C10orf71: variants seen among roughly 807,000 people sequenced by gnomAD.
C10orf71 encodes the protein cardiac-enriched FHL2-interacting protein.
For missense variants in C10orf71, 1,869 were observed against 1,804.5 expected (o/e 1.04, Z -0.65); for synonymous variants, 758 against 726.3 (o/e 1.04, Z -0.70).
intron 1 of C10orf71, among the ~76,000 whole-genome samples, chr10:49,300,119 T>G (rs1217686534): frequency 6.6e-6 from 1 of 152,132 alleles, no homozygotes; most frequent in East Asian, 1.9e-4. Context: ...GAAAAATCAT[T>G]GTGTAGGCCT....
At chr10:49,309,490 T>C (rs1157240505) in intron 1 of C10orf71, among the ~76,000 whole-genome samples, 4 of 152,206 alleles carry the variant, frequency 2.6e-5, no homozygotes, top group Non-Finnish European at 5.9e-5. Context: ...CCTCCAGAAC[T>C]GTGAGGAGTA....
At position 49,322,519 on chromosome 10, in the gene C10orf71, C is replaced by G; in HGVS notation, c.-27C>G. The G allele has an allele frequency of 6.4e-7, 1 of 1,570,864 alleles. No homozygotes were observed. The highest frequency in any genetic ancestry group is 2.3e-5 in the East Asian group (1 of 43,906). ...ATCACCAGAGACACCTGCCGGCTGA[C>G]AAGGACAGCTTTCTTGGAGCCAACA... On this transcript the variant is annotated 5_prime_UTR_variant, in exon 3 of 3. Transcript: ENST00000374144.
intron 1 of C10orf71, among the ~76,000 whole-genome samples, chr10:49,308,786 C>T (rs143356472): frequency 1.9e-3 from 285 of 152,328 alleles, no homozygotes; most frequent in African/African-American, 6.5e-3. Flanking sequence ...GTCACGCTTA[C>T]GAGATCTTAC....
At position 49,325,826 on chromosome 10, in the gene C10orf71, A is replaced by G. The variant is rs1430462366; in HGVS notation, c.3281A>G (p.Asn1094Ser). The G allele has an allele frequency of 6.4e-7, 1 of 1,551,358 alleles. No individual in the cohort carries two copies. The highest frequency in any genetic ancestry group is 1.4e-5 in the African/African-American group (1 of 73,142). ...GGPELLPEEP[N>S]QASPWASSSP... Reference sequence around the variant, plus strand: ...CCAGAGCTGCTTCCCGAGGAGCCTAATCAAGCCAGCCCCTGGGCCAGCTCC... The same window carrying G: ...CCAGAGCTGCTTCCCGAGGAGCCTAGTCAAGCCAGCCCCTGGGCCAGCTCC... Residue 1094 changes from asparagine to serine, a missense_variant, in exon 3 of 3, where the codon AAT becomes AGT. By Grantham distance (46) the Asn-to-Ser change is conservative. Coordinates refer to ENST00000374144, the MANE Select transcript of C10orf71 (RefSeq NM_001135196.2).
rs1371967014 is a variant in C10orf71, at chr10:49,326,589, G to A, written c.4044G>A (p.Pro1348=). The A allele has an allele frequency of 1.9e-6, 3 of 1,550,336 alleles. No individual in the cohort carries two copies. The highest frequency in any genetic ancestry group is 4.9e-5 in the East Asian group (2 of 40,880). The change falls in exon 3 of 3, where the codon CCG becomes CCA. Residue 1348 remains proline, a synonymous_variant. Transcript: ENST00000374144. ...FQPVPVTALM[P]LRCSSQLSAP... is the part of the protein sequence containing the mutation. ...CAGTGCCCGTGACGGCCTTGATGCCGCTGCGCTGCTCCTCTCAGCTCTCCG... is the reference window on the plus strand; with the variant it reads ...CAGTGCCCGTGACGGCCTTGATGCCACTGCGCTGCTCCTCTCAGCTCTCCG...
chr10:49,308,183 G>A (rs918080955), intron 1 of C10orf71, among the ~76,000 whole-genome samples: 35 of 152,216 alleles, frequency 2.3e-4, no homozygotes, highest in African/African-American at 8.2e-4. Context: ...GCCCAGGCAA[G>A]CTGGTTTCTT....
rs745559272 is a variant in C10orf71, at chr10:49,322,586, A to C, written c.41A>C (p.Asp14Ala). The change falls in exon 3 of 3, where the codon GAC becomes GCC. Residue 14 changes from aspartate (D) to alanine (A), a missense_variant. Physicochemically the swap from Asp to Ala is moderately radical, Grantham distance 126 (BLOSUM62 -2). Transcript: ENST00000374144. Reference sequence around the variant, plus strand: ...AAGAAGTGCACAGACGCGTTCAGCGACTCCTCCAGCATCGGCAGCGTGTTG... The same window carrying C: ...AAGAAGTGCACAGACGCGTTCAGCGCCTCCTCCAGCATCGGCAGCGTGTTG... ...GNKKCTDAFS[D>A]SSSIGSVLDD... 2.5e-6 allele frequency: 4 copies of C among 1,612,316 alleles called. No individual in the cohort carries two copies. The highest frequency in any genetic ancestry group is 1.7e-5 in the Admixed American group (1 of 59,808).
Position 49,326,880 on chromosome 10 carries a change from A to G in C10orf71, c.*27A>G, listed in dbSNP as rs1472218720. On this transcript the variant is annotated 3_prime_UTR_variant, in exon 3 of 3. Coordinates refer to ENST00000374144, the MANE Select transcript of C10orf71 (RefSeq NM_001135196.2). The stretch of plus-strand genomic sequence containing the variant: ...TTACTGCAGGCTGTCCCCCACCCCC[A>G]GATGAACCCAGAGGAGCTTACTTCC... 1.0e-5 allele frequency: 14 copies of G among 1,403,480 alleles called. No individual in the cohort carries two copies. In the Admixed American group the frequency reaches 2.8e-4, roughly 28 times the overall value. 86.9% of individuals were successfully genotyped at this position (1,403,480 alleles called of 1,614,324 possible).
intron 1 of C10orf71, among the ~76,000 whole-genome samples, chr10:49,301,529 T>C (rs1287397129): frequency 6.6e-6 from 1 of 152,154 alleles, no homozygotes; most frequent in African/African-American, 2.4e-5. Context: ...ATGCTGATGT[T>C]CAGATGTGTC....
At chr10:49,303,703 T>C (rs1165574849) in intron 1 of C10orf71, among the ~76,000 whole-genome samples, 1 of 152,178 alleles carries the variant, frequency 6.6e-6, no homozygotes, top group South Asian at 2.1e-4. Flanking sequence ...GAAATAAACA[T>C]GGTTGTTAAA....
At chr10:49,315,124 G>T (rs758833271) in intron 1 of C10orf71, among the ~76,000 whole-genome samples, 10 of 152,210 alleles carry the variant, frequency 6.6e-5, no homozygotes, top group Non-Finnish European at 1.3e-4. Flanking sequence ...TGGGGAGTCA[G>T]GGATGGGGCC....
At chr10:49,302,284 G>A (rs1264200062) in intron 1 of C10orf71, among the ~76,000 whole-genome samples, 3 of 152,300 alleles carry the variant, frequency 2.0e-5, no homozygotes, top group South Asian at 2.1e-4. Context: ...GCCATGTCCC[G>A]GGTTGCCAAG....
rs1849194374 is a variant in C10orf71, at chr10:49,325,097, G to C, written c.2552G>C (p.Arg851Thr). The change falls in exon 3 of 3, where the codon AGG (arginine) becomes ACG (threonine). Residue 851 changes from arginine (R) to threonine (T), a missense_variant. Arg to Thr is a moderately conservative substitution (Grantham distance 71). Coordinates refer to ENST00000374144, the MANE Select transcript of C10orf71 (RefSeq NM_001135196.2). ...LTPSPSSASNRHMLFTIKDNT... is the reference protein window; with the variant it reads ...LTPSPSSASNTHMLFTIKDNT... ...CCCTCACCATCTTCTGCTTCAAACA[G>C]GCACATGCTGTTTACGATTAAAGAC... The C allele has an allele frequency of 6.4e-7, 1 of 1,551,944 alleles. No homozygotes were observed. Among genetic ancestry groups the C allele is most frequent in the Non-Finnish European group, 8.7e-7 (1 of 1,147,066 alleles).
intron 1 of C10orf71, among the ~76,000 whole-genome samples, chr10:49,299,930 C>A (rs35326339): frequency 0.38 from 58,094 of 152,052 alleles, 11,869 homozygotes; most frequent in Non-Finnish European, 0.47. Context: ...GCATGTGTGT[C>A]CCCAAAACAA....
At chr10:49,318,112 G>T (rs1590334062) in intron 2 of C10orf71, among the ~76,000 whole-genome samples, 1 of 152,354 alleles carries the variant, frequency 6.6e-6, no homozygotes, top group South Asian at 2.1e-4. Context: ...CCCCAGCAAA[G>T]AAATCAAGCA....
In C10orf71 at chr10:49,326,353, T is replaced by C. The variant is rs1054322700; in HGVS notation, c.3808T>C (p.Tyr1270His). The C allele has an allele frequency of 8.6e-5, 133 of 1,550,280 alleles. No individual in the cohort carries two copies. The highest frequency in any genetic ancestry group is 1.0e-4 in the Non-Finnish European group (117 of 1,146,856). The part of the protein sequence containing the change: ...GPQSLTPLPA[Y>H]PATQKVLQDP... ...CCAGTCCCTCACACCCCTGCCCGCG[T>C]ACCCCGCCACCCAGAAGGTCCTCCA... Residue 1270 changes from tyrosine (Y) to histidine (H), a missense_variant, in exon 3 of 3, where the codon TAC becomes CAC. Coordinates refer to ENST00000374144, the MANE Select transcript of C10orf71 (RefSeq NM_001135196.2).
Position 49,326,874 on chromosome 10 carries a change from AC to A in C10orf71, c.*26del. On this transcript the variant is annotated 3_prime_UTR_variant, in exon 3 of 3. Transcript: ENST00000374144. Reference sequence around the variant, plus strand: ...CTTGAGTTACTGCAGGCTGTCCCCCACCCCCAGATGAACCCAGAGGAGCTTA... The same window carrying A: ...CTTGAGTTACTGCAGGCTGTCCCCCACCCCAGATGAACCCAGAGGAGCTTA... The A allele has an allele frequency of 2.4e-6, 3 of 1,250,422 alleles. No homozygotes were observed. Among genetic ancestry groups the A allele is most frequent in the Non-Finnish European group, 3.2e-6 (3 of 934,016 alleles). The allele number at this position is 1,250,422 out of a possible 1,614,324, so 77.5% of individuals were successfully genotyped here.
At position 49,323,931 on chromosome 10, in the gene C10orf71, C is replaced by A. The variant is rs559200171; in HGVS notation, c.1386C>A (p.Ser462Arg). ...AGCACGCCCTGGATTCAGCAGACAG[C>A]CAGCCAGCAGAGCGAACCCCATCAC... Reference protein sequence around the residue: ...PSKHALDSADSQPAERTPSPP... With the variant: ...PSKHALDSADRQPAERTPSPP... The change falls in exon 3 of 3, where the codon AGC becomes AGA. Residue 462 changes from serine (S) to arginine (R), a missense_variant. Transcript: ENST00000374144. 5.3e-5 allele frequency: 86 copies of A among 1,613,600 alleles called. No homozygotes were observed. The highest frequency in any genetic ancestry group is 1.2e-4 in the South Asian group (11 of 91,066).
intron 1 of C10orf71, among the ~76,000 whole-genome samples, chr10:49,304,494 C>T (rs963642296): frequency 4.6e-5 from 7 of 152,214 alleles, no homozygotes; most frequent in African/African-American, 1.7e-4. Flanking sequence ...CCTGGGACTA[C>T]CAGGGGGCTA....
Sources: gnomAD v4.1 joint callset for allele counts (sites outside exome capture counted in the v4.1 genomes callset) on GRCh38, gnomAD v4.1.1 for gene constraint, MANE v1.5 for transcripts, NCBI Gene and HGNC (gene_info 2026-07-23, HGNC 2026-07-21) for gene names.